PDE1C: variants seen among roughly 807,000 people sequenced by gnomAD.
PDE1C encodes the protein dual specificity calcium/calmodulin-dependent 3',5'-cyclic nucleotide phosphodiesterase 1C.
In PDE1C, 62 loss-of-function variants were observed where a neutral mutation model predicts 93.1. The observed-to-expected ratio is 0.67, with a 90% CI of 0.54 to 0.82. PDE1C has a LOEUF of 0.82. Among genes scored for constraint, PDE1C ranks in the 40% least tolerant of loss-of-function variants. PDE1C has a pLI of 0.00. For missense variants in PDE1C, 742 were observed against 884.6 expected (o/e 0.84, Z 2.04); for synonymous variants, 325 against 310.1 (o/e 1.05, Z -0.50).
intron 1 of PDE1C, among the ~76,000 whole-genome samples, chr7:32,246,504 T>C (rs1418988131): frequency 6.9e-6 from 1 of 144,020 alleles, no homozygotes; most frequent in Non-Finnish European, 1.5e-5. Context: ...CCATGGCTGG[T>C]CAATGTTTAT....
chr7:32,205,634 GCC>G (rs1562576636), intron 2 of PDE1C, among the ~76,000 whole-genome samples: 4 of 152,156 alleles, frequency 2.6e-5, no homozygotes, highest in African/African-American at 9.7e-5. Flanking sequence ...GTCTGCTTGT[GCC>G]CTGCAGAAGC....
Position 31,960,895 on chromosome 7 carries a change from T to C in PDE1C, c.129-80035A>G, listed in dbSNP as rs142793957. On this transcript the variant is annotated intron_variant, in intron 2 of 17. Coordinates refer to ENST00000396191, the MANE Select transcript of PDE1C (RefSeq NM_001191057.4). ...TCTCTTATTCTCTCCAGGATCTTTG[T>C]CAGTCATGCAGTTTCTACTCTCCTG... Among the ~76,000 whole-genome samples the C allele has an allele frequency of 3.9e-5, 6 of 152,330 alleles. No individual in the cohort carries two copies. In the East Asian group the frequency reaches 1.2e-3, roughly 29 times the overall value.
intron 2 of PDE1C, among the ~76,000 whole-genome samples, chr7:31,990,907 C>T (rs1455439194): frequency 6.6e-6 from 1 of 152,138 alleles, no homozygotes; most frequent in African/African-American, 2.4e-5. Flanking sequence ...GCTTAAACTA[C>T]CACATTTTTT....
rs1251909949 is a variant in PDE1C, at chr7:31,774,301, T to TG, written c.1960+1362dup. 3.7e-4 allele frequency among the ~76,000 whole-genome samples: 56 copies of TG among 151,802 alleles called. 1 individual carries two copies. Among genetic ancestry groups the TG allele is most frequent in the African/African-American group, 1.3e-3 (55 of 41,108 alleles). On this transcript the variant is annotated intron_variant, in intron 17 of 17. Coordinates refer to ENST00000396191, the MANE Select transcript of PDE1C (RefSeq NM_001191057.4). ...AAAGGTGAATTAACACTAAAAAAACTGTTTTTTTAATAGAAAGATACATTC... is the reference window on the plus strand; with the variant it reads ...AAAGGTGAATTAACACTAAAAAAACTGGTTTTTTTAATAGAAAGATACATTC...
chr7:31,643,167 A>G, the PDE1C span: 51 of 1,613,998 alleles, frequency 3.2e-5, no homozygotes, highest in South Asian at 5.6e-4. Context: ...CTCAAAGGTC[A>G]CCTGGAAATG....
intron 2 of PDE1C, among the ~76,000 whole-genome samples, chr7:32,009,198 G>C (rs1786720340): frequency 2.6e-5 from 4 of 152,206 alleles, no homozygotes; most frequent in Admixed American, 2.6e-4. Flanking sequence ...AAGACAGGGA[G>C]CCCTGTGGTT....
intron 1 of PDE1C, among the ~76,000 whole-genome samples, chr7:32,375,693 T>G (rs1050677215): frequency 6.6e-6 from 1 of 152,266 alleles, no homozygotes; most frequent in African/African-American, 2.4e-5. Flanking sequence ...GTCACACAAC[T>G]TGGCTTCTAG....
rs150407290 is a variant in PDE1C at position 31,826,328 on chromosome 7, A to G, written c.1286-1341T>C. ...AATTGACAAAACAAGAATTGTCTCA[A>G]CCAAATACCAATAGTATCGTGATTG... is the stretch of plus-strand genomic sequence containing the variant. On this transcript the variant is annotated intron_variant, in intron 12 of 17. Transcript: ENST00000396191. Among the ~76,000 whole-genome samples, 1,468 of 152,322 alleles carry G rather than the reference A, an allele frequency of 9.6e-3. 19 individuals are homozygous for G. The highest frequency in any genetic ancestry group is 0.034 in the African/African-American group (1,400 of 41,570).
At chr7:32,136,405 G>T (rs1432192520) in intron 3 of PDE1C, among the ~76,000 whole-genome samples, 3 of 152,018 alleles carry the variant, frequency 2.0e-5, no homozygotes, top group African/African-American at 7.2e-5. Flanking sequence ...GCAGTGGTGC[G>T]ATCTCGGCTC....
intron 2 of PDE1C, among the ~76,000 whole-genome samples, chr7:31,965,929 G>C (rs1809870868): frequency 6.6e-6 from 1 of 152,126 alleles, no homozygotes; most frequent in Non-Finnish European, 1.5e-5. Context: ...GTCACCACCA[G>C]GCCTGCCCTA....
At chr7:32,360,265 T>C (rs969985727) in intron 1 of PDE1C, among the ~76,000 whole-genome samples, 13 of 152,232 alleles carry the variant, frequency 8.5e-5, no homozygotes, top group African/African-American at 1.2e-4. Flanking sequence ...ATAAAGTGTC[T>C]GGGAGCAAAA....
the PDE1C span, among the ~76,000 whole-genome samples, chr7:31,665,587 C>A: frequency 1.3e-5 from 2 of 152,150 alleles, no homozygotes; most frequent in Non-Finnish European, 2.9e-5. Flanking sequence ...TTTAATCCAA[C>A]AAGGAATTTT....
intron 1 of PDE1C, among the ~76,000 whole-genome samples, chr7:32,353,797 T>C (rs1017375600): frequency 5.3e-5 from 8 of 152,204 alleles, no homozygotes; most frequent in Non-Finnish European, 8.8e-5. Context: ...CTCTTTTTCA[T>C]ATTTGTCTTA....
chr7:32,353,276 G>T (rs1783966167), intron 1 of PDE1C, among the ~76,000 whole-genome samples: 1 of 7,638 alleles, frequency 1.3e-4, no homozygotes, highest in African/African-American at 1.7e-4. Flanking sequence ...CAATTTCAGA[G>T]CCTGTTATTG....
rs932105918 is a variant in PDE1C, at chr7:32,121,286, A to G, written c.308+48499T>C. 2.2e-4 allele frequency among the ~76,000 whole-genome samples: 34 copies of G among 152,338 alleles called. 1 individual carries two copies. The highest frequency in any genetic ancestry group is 1.6e-3 in the Admixed American group (25 of 15,310). On this transcript the variant is annotated intron_variant, in intron 3 of 18. Coordinates refer to the PDE1C transcript ENST00000396193. Reference sequence around the variant, plus strand: ...TACCTGAAGGAGACAGGGAGAATGGAAACAAGTTGGAAAACACACTTTAGG... The same window carrying G: ...TACCTGAAGGAGACAGGGAGAATGGGAACAAGTTGGAAAACACACTTTAGG...
chr7:32,098,223 C>T (rs546583703), intron 3 of PDE1C, among the ~76,000 whole-genome samples: 70 of 25,144 alleles, frequency 2.8e-3, no homozygotes, highest in African/African-American at 9.4e-3. Flanking sequence ...GAGCGAGACT[C>T]CGTCTCAAAA....
At chr7:31,892,062 C>G (rs1798714354) in intron 2 of PDE1C, among the ~76,000 whole-genome samples, 1 of 152,160 alleles carries the variant, frequency 6.6e-6, no homozygotes, top group Non-Finnish European at 1.5e-5. Flanking sequence ...ACACAGTTAT[C>G]CAGCTCAATG....
chr7:31,656,127 C>G, the PDE1C span: 3 of 684,608 alleles, frequency 4.4e-6, no homozygotes, highest in Non-Finnish European at 5.4e-6. Context: ...TCCTATATCA[C>G]TTTGCTTTTT....
chr7:32,340,745 T>C (rs968512854), intron 1 of PDE1C, among the ~76,000 whole-genome samples: 1 of 151,996 alleles, frequency 6.6e-6, no homozygotes, highest in Admixed American at 6.6e-5. Context: ...AATATGAAAA[T>C]GCTAAATACT....
Sources: gnomAD v4.1 joint callset for allele counts (sites outside exome capture counted in the v4.1 genomes callset) on GRCh38, gnomAD v4.1.1 for gene constraint, MANE v1.5 for transcripts, NCBI Gene and HGNC (gene_info 2026-07-23, HGNC 2026-07-21) for gene names.